The following APC variants were observed in gnomAD, a reference collection of about 807,000 sequenced individuals.
APC encodes the protein adenomatous polyposis coli protein.
A neutral mutation model predicts 247.0 loss-of-function variants in APC; 72 were observed. The observed-to-expected ratio is 0.29, with a 90% CI of 0.24 to 0.35. The LOEUF is 0.35. APC is among the 10% of genes least tolerant of loss of function. The pLI is 1.00. For synonymous variants in APC, 1,254 were observed against 1,162.5 expected (o/e 1.08, Z -1.60); for missense variants, 3,400 against 3,360.7 (o/e 1.01, Z -0.29).
intron 2 of APC, among the ~76,000 whole-genome samples, chr5:112,765,440 T>C (rs1202379295): frequency 1.3e-5 from 2 of 152,188 alleles, no homozygotes; most frequent in Non-Finnish European, 2.9e-5. Flanking sequence ...GATAAATCAG[T>C]GAAACCGTCT....
Position 112,840,494 on chromosome 5 carries a change from C to G in APC, c.4900C>G (p.Pro1634Ala), listed in dbSNP as rs587779795. 6.2e-6 allele frequency: 10 copies of G among 1,614,136 alleles called. No individual in the cohort carries two copies. The highest frequency in any genetic ancestry group is 7.6e-6 in the Non-Finnish European group (9 of 1,180,016). Residue 1634 changes from proline to alanine, a missense_variant, in exon 16 of 16, where the codon CCG (proline) becomes GCG (alanine). Physicochemically the swap from Pro to Ala is conservative, Grantham distance 27. Transcript: ENST00000257430. This position sits in a 1 kb window ranked among gnomAD's most constrained non-coding sequence, Gnocchi z 4.1. ...ACCCCAAAAGCATGTTAGTTTTACA[C>G]CGGGGGATGATATGCCACGGGTGTA... ...LQPQKHVSFT[P>A]GDDMPRVYCV...
chr5:112,824,451 A>G (rs1238735544), intron 11 of APC, among the ~76,000 whole-genome samples: 1 of 152,072 alleles, frequency 6.6e-6, no homozygotes, highest in Non-Finnish European at 1.5e-5. Flanking sequence ...AATTTTTTTG[A>G]ATGTTCTTTT....
At chr5:112,795,250 ACTC>A (rs1760085969) in intron 7 of APC, among the ~76,000 whole-genome samples, 3 of 151,276 alleles carry the variant, frequency 2.0e-5, no homozygotes, top group Admixed American at 1.3e-4. Context: ...CTGGGCTTGA[ACTC>A]CTGACCTCAT....
In APC at chr5:112,842,469, T is replaced by C. The variant is rs762705847; in HGVS notation, c.6875T>C (p.Ile2292Thr). ...LSPVARQTSQ[I>T]GGSSKAPSRS... ...CCTGTTGCCAGGCAGACATCCCAAA[T>C]AGGTGGGTCAAGTAAAGCACCTTCT... Residue 2292 changes from isoleucine (I) to threonine (T), a missense_variant, in exon 16 of 16, where the codon ATA becomes ACA. Physicochemically the swap from Ile to Thr is moderately conservative, Grantham distance 89. This residue lies in a region of APC where 1,788 missense variants were observed against 1,649.5 expected (regional missense o/e 1.08). Transcript: ENST00000257430. 1 of 1,613,946 alleles carries C rather than the reference T, an allele frequency of 6.2e-7. No homozygotes were observed. Among genetic ancestry groups the C allele is most frequent in the South Asian group, 1.1e-5 (1 of 91,084 alleles).
At chr5:112,733,287 G>A (rs1218878313), upstream of APC, among the ~76,000 whole-genome samples, 1 of 152,196 alleles carries the variant, frequency 6.6e-6, no homozygotes, top group Non-Finnish European at 1.5e-5. Context: ...CTATGAATAT[G>A]TTAGGTTATG....
At chr5:112,731,525 G>C (rs1055379598) in intron 1 of APC, among the ~76,000 whole-genome samples, 1 of 152,118 alleles carries the variant, frequency 6.6e-6, no homozygotes, top group Admixed American at 6.5e-5. Context: ...AGGGTGGAAC[G>C]TGAATACCTC....
rs876658405 is a variant in APC at position 112,828,934 on chromosome 5, G to A, written c.1705G>A (p.Val569Met). ...SKKTLREVGS[V>M]KALMECALEV... ...AAAGACGTTGCGAGAAGTTGGAAGT[G>A]TGAAAGCATTGATGGAATGTGCTTT... Residue 569 changes from valine to methionine, a missense_variant, in exon 14 of 16, where the codon GTG (valine) becomes ATG (methionine). Val to Met is a conservative substitution (Grantham distance 21, BLOSUM62 1). Coordinates refer to ENST00000257430, the MANE Select transcript of APC (RefSeq NM_000038.6). 1.2e-6 allele frequency: 2 copies of A among 1,613,808 alleles called. No homozygotes were observed. Among genetic ancestry groups the A allele is most frequent in the Middle Eastern group, 1.7e-4 (1 of 6,058 alleles).
chr5:112,708,994 A>T (rs1750694117), intron 1 of APC, among the ~76,000 whole-genome samples: 1 of 152,196 alleles, frequency 6.6e-6, no homozygotes, highest in East Asian at 1.9e-4. Context: ...TAATTTTTCC[A>T]TCTTTCCCTG....
chr5:112,737,128 A>G (rs146651711), upstream of APC, among the ~76,000 whole-genome samples: 48 of 152,356 alleles, frequency 3.2e-4, no homozygotes, highest in African/African-American at 1.1e-3. Context: ...ACTACATTAA[A>G]GCCTCAGATT....
At chr5:112,734,514 A>C (rs1752265940), upstream of APC, among the ~76,000 whole-genome samples, 1 of 152,092 alleles carries the variant, frequency 6.6e-6, no homozygotes, top group Non-Finnish European at 1.5e-5. Flanking sequence ...TTTTCAATGC[A>C]TAATTATTAT....
rs368304237 is a variant in APC, at chr5:112,787,532, T to C, written c.646-4914T>C. Among the ~76,000 whole-genome samples the C allele has an allele frequency of 3.9e-5, 6 of 152,342 alleles. No homozygotes were observed. In the East Asian group the frequency reaches 7.7e-4, roughly 20 times the overall value. On this transcript the variant is annotated intron_variant, in intron 6 of 15. Coordinates refer to ENST00000257430, the MANE Select transcript of APC (RefSeq NM_000038.6). ...GTGAAACATTTTGTCATCTTAAACT[T>C]TGTATTTTCCTGAGCTACTGAAGTT...
chr5:112,769,089 T>C (rs1756725424), intron 4 of APC, among the ~76,000 whole-genome samples: 1 of 141,100 alleles, frequency 7.1e-6, no homozygotes, highest in African/African-American at 2.8e-5. Context: ...AGTCTTCCTG[T>C]CGCCCAGGCT....
chr5:112,773,644 T>C (rs371450090), intron 4 of APC, among the ~76,000 whole-genome samples: 33 of 152,252 alleles, frequency 2.2e-4, no homozygotes, highest in African/African-American at 6.7e-4. Context: ...CATAATGAAG[T>C]GGAAGGGAAT....
chr5:112,710,526 T>A (rs1190433735), intron 1 of APC, among the ~76,000 whole-genome samples: 1 of 152,202 alleles, frequency 6.6e-6, no homozygotes, highest in Non-Finnish European at 1.5e-5. Flanking sequence ...TCACTTCCTG[T>A]CCACCTTCTT....
intron 8 of APC, among the ~76,000 whole-genome samples, chr5:112,809,218 C>T (rs1032956326): frequency 2.6e-4 from 39 of 150,640 alleles, no homozygotes; most frequent in Admixed American, 1.8e-3. Flanking sequence ...AAAAATTAGG[C>T]GTGGTGGCAT....
chr5:112,803,206 A>G (rs1459869892), intron 8 of APC, among the ~76,000 whole-genome samples: 2 of 152,122 alleles, frequency 1.3e-5, no homozygotes, highest in African/African-American at 4.8e-5. Context: ...CTGGAGAGCA[A>G]TTTTGTCAAA....
At chr5:112,806,786 C>G (rs191494702) in intron 8 of APC, among the ~76,000 whole-genome samples, 4 of 152,054 alleles carry the variant, frequency 2.6e-5, no homozygotes, top group African/African-American at 7.2e-5. Context: ...CTATATTGTC[C>G]AGGCTGGTTT....
intron 12 of APC, 98 bp downstream of exon 12, chr5:112,827,345 C>G (rs1561554709): frequency 7.6e-7 from 1 of 1,315,790 alleles, no homozygotes; most frequent in Non-Finnish European, 1.1e-6. Context: ...TTTTCACTCT[C>G]CTCATTAAAC....
At chr5:112,793,653 G>C (rs1759889249) in intron 7 of APC, among the ~76,000 whole-genome samples, 1 of 152,138 alleles carries the variant, frequency 6.6e-6, no homozygotes, top group African/African-American at 2.4e-5. Flanking sequence ...AGACAGTATA[G>C]ATCATTCTAG....
Sources: allele counts gnomAD v4.1 joint callset (sites outside exome capture counted in the v4.1 genomes callset), GRCh38; gene constraint gnomAD v4.1.1; regional missense constraint gnomAD v4.1.1; non-coding constraint Gnocchi (gnomAD v3.1); transcripts MANE v1.5; gene names NCBI Gene and HGNC (gene_info 2026-07-23, HGNC 2026-07-21).